The following RANBP9 variants were observed in gnomAD, a reference collection of about 807,000 sequenced individuals.
RANBP9 encodes the protein RAN binding protein 9.
A neutral mutation model predicts 84.3 loss-of-function variants in RANBP9; 15 were observed. That is an observed-to-expected ratio of 0.18 (90% CI 0.12 to 0.27). The LOEUF (loss-of-function observed/expected upper bound fraction) is 0.27, where lower values mean the gene tolerates loss of function less well. Ranked by LOEUF, RANBP9 falls within the 10% of genes least tolerant of loss-of-function variation. The pLI, the probability that RANBP9 is intolerant of heterozygous loss-of-function variation, is 1.00. For synonymous variants in RANBP9, 392 were observed against 349.6 expected, an observed-to-expected ratio of 1.12 and a Z score of -1.35; for missense variants, 809 against 912.8, an observed-to-expected ratio of 0.89 and a Z score of 1.46.
chr6:13,669,467 T>C lies in RANBP9; in HGVS notation c.684-10635A>G, dbSNP rs189772367. Among the ~76,000 whole-genome samples, 187 of 152,282 alleles carry C rather than the reference T, an allele frequency of 1.2e-3. 2 individuals carry two copies. The highest frequency in any genetic ancestry group is 4.4e-3 in the African/African-American group (181 of 41,552). ...AGTTGGAAGACTCACACATTCCAAT[T>C]TTAAAACTCAATAAAAAGCTACAGT... On this transcript the variant is annotated intron_variant, in intron 2 of 13. Transcript: ENST00000011619.
chr6:13,711,369 G>A lies in RANBP9; in HGVS notation c.137C>T (p.Ser46Phe), dbSNP rs542331366. ...ACCGCCGCCGGGCGAGCCGGCCGGAGAAGAGCCGGCGCTGACGGCCGGGGG... is the reference window on the plus strand; with the variant it reads ...ACCGCCGCCGGGCGAGCCGGCCGGAAAAGAGCCGGCGCTGACGGCCGGGGG... ...PAPPAVSAGSSPAGSPGGGAG... is the reference protein window; with the variant it reads ...PAPPAVSAGSFPAGSPGGGAG... The change falls in exon 1 of 14, where the codon TCT becomes TTT. Residue 46 changes from serine to phenylalanine, a missense_variant. Ser to Phe is a radical substitution (Grantham distance 155, BLOSUM62 -2). Coordinates refer to ENST00000011619, the MANE Select transcript of RANBP9 (RefSeq NM_005493.3). 665 of 1,163,386 alleles carry A rather than the reference G, an allele frequency of 5.7e-4. No homozygotes were observed. The highest frequency in any genetic ancestry group is 6.6e-4 in the Non-Finnish European group (622 of 944,310). 72.1% of individuals were successfully genotyped at this position (1,163,386 alleles called of 1,614,324 possible). A position where few individuals can be genotyped will look rare whatever the true frequency, so the allele number is the denominator to read the frequency against.
At chr6:13,685,310 A>C (rs889582292) in intron 2 of RANBP9, among the ~76,000 whole-genome samples, 1 of 152,230 alleles carries the variant, frequency 6.6e-6, no homozygotes, top group African/African-American at 2.4e-5. Flanking sequence ...CAAAAATAAA[A>C]AGATATTCAG....
At chr6:13,658,879 C>A (rs1584927743) in intron 2 of RANBP9, 47 bp from the exon 3 acceptor site, 4 of 1,485,246 alleles carry the variant, frequency 2.7e-6, no homozygotes, top group South Asian at 1.1e-5. Context: ...TTATTACAGT[C>A]ATATATGTAT....
intron 2 of RANBP9, among the ~76,000 whole-genome samples, chr6:13,660,355 A>C (rs1011426354): frequency 6.6e-6 from 1 of 152,048 alleles, no homozygotes; most frequent in Non-Finnish European, 1.5e-5. Flanking sequence ...AAAAAAACAA[A>C]ACCATCAGTT....
At chr6:13,675,795 GTAA>G (rs1242085420) in intron 2 of RANBP9, among the ~76,000 whole-genome samples, 7 of 150,442 alleles carry the variant, frequency 4.7e-5, no homozygotes, top group South Asian at 2.1e-4. Flanking sequence ...ATTATTATCA[GTAA>G]TAATATCAAT....
intron 10 of RANBP9, among the ~76,000 whole-genome samples, chr6:13,636,130 G>A (rs569315970): frequency 3.3e-5 from 5 of 152,274 alleles, no homozygotes; most frequent in South Asian, 2.1e-4. Context: ...GGAGGTGAGG[G>A]AGGGTAGGAA....
intron 1 of RANBP9, among the ~76,000 whole-genome samples, chr6:13,710,217 C>G (rs1758238280): frequency 6.6e-6 from 1 of 152,120 alleles, no homozygotes; most frequent in South Asian, 2.1e-4. Flanking sequence ...AAATACTAAG[C>G]TGCATTTTGT....
rs767389026 is a variant in RANBP9, at chr6:13,711,144, G to A, written c.362C>T (p.Pro121Leu). The change falls in exon 1 of 14, where the codon CCA becomes CTA. Residue 121 changes from proline (P) to leucine (L), a missense_variant. By Grantham distance (98) the Pro-to-Leu change is moderately conservative. Around this residue, in one of 5 missense-constraint regions of RANBP9, gnomAD observed 302 missense variants for 240.1 expected, o/e 1.26. Transcript: ENST00000011619. The part of the protein sequence containing the change: ...GPGPAGGAPT[P>L]ALVAGSSAAA... ...GGCGCTGCTGCCCGCCACCAGAGCT[G>A]GGGTCGGGGCTCCTCCAGCCGGGCC... The A allele has an allele frequency of 5.6e-5, 86 of 1,528,912 alleles. No individual in the cohort carries two copies. Among genetic ancestry groups the A allele is most frequent in the African/African-American group, 7.1e-5 (5 of 70,844 alleles). The allele number at this position is 1,528,912 out of a possible 1,614,324, so 94.7% of individuals were successfully genotyped here.
intron 2 of RANBP9, among the ~76,000 whole-genome samples, chr6:13,677,173 A>G (rs982809937): frequency 6.6e-6 from 1 of 152,234 alleles, no homozygotes; most frequent in African/African-American, 2.4e-5. Context: ...GTGGCAGGAT[A>G]CAAGGTTAAT....
chr6:13,669,136 TA>T (rs145178189), intron 2 of RANBP9, among the ~76,000 whole-genome samples: 112 of 150,314 alleles, frequency 7.5e-4, no homozygotes, highest in African/African-American at 1.9e-3. Flanking sequence ...TGGAACAGAA[TA>T]AAAAAAAAGA....
intron 2 of RANBP9, among the ~76,000 whole-genome samples, chr6:13,680,959 G>A (rs1339728559): frequency 6.6e-6 from 1 of 152,104 alleles, no homozygotes; most frequent in Non-Finnish European, 1.5e-5. Flanking sequence ...GATAAGGTCT[G>A]ATGATGAGTA....
intron 2 of RANBP9, among the ~76,000 whole-genome samples, chr6:13,689,957 C>T (rs574978140): frequency 1.2e-3 from 185 of 152,230 alleles, no homozygotes; most frequent in African/African-American, 4.2e-3. Flanking sequence ...GTATGTAGTC[C>T]TCTGTTGGAC....
chr6:13,649,275 T>C (rs1362803856), intron 5 of RANBP9, among the ~76,000 whole-genome samples: 1 of 152,014 alleles, frequency 6.6e-6, no homozygotes, highest in Non-Finnish European at 1.5e-5. Flanking sequence ...TACAACAAAG[T>C]TGCACATGAT....
chr6:13,669,236 T>C (rs1160835576), intron 2 of RANBP9, among the ~76,000 whole-genome samples: 1 of 152,022 alleles, frequency 6.6e-6, no homozygotes, highest in Non-Finnish European at 1.5e-5. Flanking sequence ...GCTAAGTAAA[T>C]GGAAAGACTC....
intron 1 of RANBP9, among the ~76,000 whole-genome samples, chr6:13,700,407 A>ATC (rs1258139212): frequency 6.6e-6 from 1 of 152,160 alleles, no homozygotes; most frequent in East Asian, 1.9e-4. Flanking sequence ...CTCCAGCCGC[A>ATC]TCAGCACTAT....
chr6:13,639,251 T>C (rs1053032544), intron 9 of RANBP9, among the ~76,000 whole-genome samples: 29 of 152,194 alleles, frequency 1.9e-4, no homozygotes, highest in African/African-American at 7.0e-4. Context: ...TGATCTCAGC[T>C]CACTGCAACC....
intron 12 of RANBP9, among the ~76,000 whole-genome samples, chr6:13,629,274 C>A (rs566146330): frequency 6.6e-6 from 1 of 152,216 alleles, no homozygotes; most frequent in East Asian, 1.9e-4. Flanking sequence ...CCACACCCAG[C>A]CTCGTGTAGT....
At chr6:13,657,001 G>A (rs1309728267) in intron 4 of RANBP9, 108 bp downstream of exon 4, 33 of 1,028,066 alleles carry the variant, frequency 3.2e-5, no homozygotes, top group Non-Finnish European at 4.1e-5. Context: ...ACCATTTCCA[G>A]AGGCATCCAT....
At chr6:13,699,605 G>A (rs1253179379) in intron 1 of RANBP9, among the ~76,000 whole-genome samples, 2 of 152,288 alleles carry the variant, frequency 1.3e-5, no homozygotes, top group East Asian at 3.9e-4. Flanking sequence ...GCTCATGCCT[G>A]TAATTCCAGC....
Sources: gnomAD v4.1 joint callset for allele counts (sites outside exome capture counted in the v4.1 genomes callset) on GRCh38, gnomAD v4.1.1 for gene constraint, gnomAD v4.1.1 regional missense constraint, MANE v1.5 for transcripts, NCBI Gene and HGNC (gene_info 2026-07-23, HGNC 2026-07-21) for gene names.